Variants in PTPRD observed in about 807,000 individuals in gnomAD.
The protein encoded by PTPRD is protein tyrosine phosphatase receptor type D, also known as receptor-type tyrosine-protein phosphatase delta.
PTPRD carries 34 observed loss-of-function variants against 214.5 expected under a neutral mutation model. The ratio of observed to expected loss-of-function variants is 0.16; its 90% CI spans 0.12 to 0.21. The LOEUF (loss-of-function observed/expected upper bound fraction) is 0.21, where lower values mean the gene tolerates loss of function less well. PTPRD is among the 10% of genes least tolerant of loss of function. The probability of loss-of-function intolerance (pLI) is 1.00; values close to 1 mark genes in which losing one functional copy is unlikely to be tolerated. For missense variants in PTPRD, 2,545 were observed against 2,398.7 expected (o/e 1.06, Z -1.27); for synonymous variants, 1,128 against 845.7 (o/e 1.33, Z -5.79).
chr9:10,101,682 G>A (rs1188025416), intron 3 of PTPRD, among the ~76,000 whole-genome samples: 3 of 151,626 alleles, frequency 2.0e-5, no homozygotes, highest in African/African-American at 4.8e-5. Flanking sequence ...TATTTTAAGG[G>A]TGAAACAACC....
rs569736504 is a variant in PTPRD, at chr9:10,568,537, G to A, written c.-600+43861C>T. On this transcript the variant is annotated intron_variant, in intron 2 of 45. Transcript: ENST00000381196. ...TCTAGTTCTAGATCCCCGAGGAATC[G>A]CCCCACTGACTTCCACAATGGTTGA... Among the ~76,000 whole-genome samples, 415 of 152,054 alleles carry A rather than the reference G, an allele frequency of 2.7e-3. 3 individuals carry two copies. Among genetic ancestry groups the A allele is most frequent in the African/African-American group, 8.7e-3 (361 of 41,502 alleles).
intron 3 of PTPRD, among the ~76,000 whole-genome samples, chr9:10,269,825 T>A (rs184209102): frequency 6.6e-6 from 1 of 152,266 alleles, no homozygotes; most frequent in Admixed American, 6.5e-5. Context: ...CTGTAAAACA[T>A]AATTCTAAAA....
At chr9:9,749,658 T>A (rs1428589822) in intron 6 of PTPRD, among the ~76,000 whole-genome samples, 1 of 152,142 alleles carries the variant, frequency 6.6e-6, no homozygotes, top group African/African-American at 2.4e-5. Context: ...GCCTTTTTAA[T>A]AATAAATCAT....
chr9:10,177,270 T>A (rs1288776149), intron 3 of PTPRD, among the ~76,000 whole-genome samples: 1 of 151,484 alleles, frequency 6.6e-6, no homozygotes, highest in East Asian at 1.9e-4. Context: ...AGAATATAAA[T>A]GTGGAAGTTC....
At chr9:10,349,184 G>T (rs150628363) in intron 2 of PTPRD, among the ~76,000 whole-genome samples, 15 of 143,578 alleles carry the variant, frequency 1.0e-4, no homozygotes, top group Non-Finnish European at 1.8e-4. Flanking sequence ...TCAACATCCT[G>T]TCCTTTCCCC....
chr9:9,082,751 C>T (rs148835562), intron 10 of PTPRD, among the ~76,000 whole-genome samples: 2,481 of 152,140 alleles, frequency 0.016, 80 homozygotes, highest in African/African-American at 0.057. Context: ...TTCCTACACA[C>T]CAATAATAGA....
At chr9:10,149,020 C>G (rs150253879) in intron 3 of PTPRD, among the ~76,000 whole-genome samples, 2 of 152,252 alleles carry the variant, frequency 1.3e-5, no homozygotes, top group Non-Finnish European at 2.9e-5. Flanking sequence ...CTTCCTGCAG[C>G]TGGCTCAGAA....
intron 11 of PTPRD, among the ~76,000 whole-genome samples, chr9:9,001,291 C>A (rs374245470): frequency 6.6e-6 from 1 of 151,950 alleles, no homozygotes; most frequent in Non-Finnish European, 1.5e-5. Flanking sequence ...TTAGCAGGAG[C>A]CTTTGAGCTA....
At chr9:9,588,432 T>C (rs1303318749) in intron 7 of PTPRD, among the ~76,000 whole-genome samples, 1 of 151,928 alleles carries the variant, frequency 6.6e-6, no homozygotes, top group Non-Finnish European at 1.5e-5. Flanking sequence ...GAACAGCCAA[T>C]CAACTTAGGC....
intron 11 of PTPRD, among the ~76,000 whole-genome samples, chr9:8,867,610 T>C (rs1219230518): frequency 6.6e-6 from 1 of 152,246 alleles, no homozygotes; most frequent in Non-Finnish European, 1.5e-5. Context: ...AGACGATGGA[T>C]ATCAAAACTG....
At chr9:9,780,571 C>T (rs1307908997) in intron 5 of PTPRD, among the ~76,000 whole-genome samples, 2 of 152,206 alleles carry the variant, frequency 1.3e-5, no homozygotes, top group East Asian at 3.9e-4. Flanking sequence ...ATAACAAGGA[C>T]TCTTATTAAT....
At chr9:10,564,664 C>T (rs192344188) in intron 2 of PTPRD, among the ~76,000 whole-genome samples, 2 of 152,168 alleles carry the variant, frequency 1.3e-5, no homozygotes, top group Admixed American at 1.3e-4. Flanking sequence ...GACTCAGGGG[C>T]TCACCAATAT....
chr9:10,476,578 G>T (rs1408643507), intron 2 of PTPRD, among the ~76,000 whole-genome samples: 1 of 152,074 alleles, frequency 6.6e-6, no homozygotes, highest in Admixed American at 6.6e-5. Flanking sequence ...GTAATTTATA[G>T]ATTCTATGCT....
chr9:10,314,894 G>C (rs1288293472), intron 3 of PTPRD, among the ~76,000 whole-genome samples: 10 of 151,792 alleles, frequency 6.6e-5, no homozygotes, highest in Admixed American at 6.6e-4. Context: ...AGAATTGCAG[G>C]TTTTCTCTGG....
chr9:9,421,939 C>A (rs1397613218), intron 8 of PTPRD, among the ~76,000 whole-genome samples: 4 of 150,516 alleles, frequency 2.7e-5, no homozygotes, highest in Non-Finnish European at 4.4e-5. Context: ...AAAAAACAAA[C>A]AAACAAACAA....
chr9:10,439,792 G>C (rs1289387539), intron 2 of PTPRD, among the ~76,000 whole-genome samples: 1 of 151,652 alleles, frequency 6.6e-6, no homozygotes, highest in African/African-American at 2.4e-5. Flanking sequence ...AGCCAAGGGA[G>C]CAAGTAATAG....
intron 9 of PTPRD, among the ~76,000 whole-genome samples, chr9:9,302,097 G>T (rs796296681): frequency 1.3e-5 from 2 of 151,934 alleles, no homozygotes; most frequent in African/African-American, 4.8e-5. Context: ...TAAATGTCAA[G>T]GGTTATCTAT....
At chr9:9,770,807 A>C (rs948131712) in intron 5 of PTPRD, among the ~76,000 whole-genome samples, 6 of 152,196 alleles carry the variant, frequency 3.9e-5, no homozygotes, top group Non-Finnish European at 8.8e-5. Context: ...TTCTAGAGCC[A>C]AAGAAGTATA....
chr9:8,583,182 C>G (rs753191421), intron 14 of PTPRD, among the ~76,000 whole-genome samples: 1 of 152,172 alleles, frequency 6.6e-6, no homozygotes, highest in Non-Finnish European at 1.5e-5. Context: ...CTATGAGAAT[C>G]TAACGCCTCC....
Sources: allele counts gnomAD v4.1 joint callset (sites outside exome capture counted in the v4.1 genomes callset), GRCh38; gene constraint gnomAD v4.1.1; transcripts MANE v1.5; gene names NCBI Gene and HGNC (gene_info 2026-07-23, HGNC 2026-07-21).